The following SOX6 variants were observed in gnomAD, a reference collection of about 807,000 sequenced individuals.
SOX6 encodes transcription factor SOX-6.
Under a neutral mutation model 97.8 loss-of-function variants are expected in SOX6, and 11 were observed. The ratio of observed to expected loss-of-function variants is 0.11; its 90% CI spans 0.07 to 0.19. The LOEUF (loss-of-function observed/expected upper bound fraction) is 0.19. Among genes scored for constraint, SOX6 ranks in the 10% least tolerant of loss-of-function variants. The pLI, the probability that SOX6 is intolerant of heterozygous loss-of-function variation, is 1.00. For synonymous variants in SOX6, 360 were observed against 371.4 expected (o/e 0.97, Z 0.35); for missense variants, 810 against 1,039.5 (o/e 0.78, Z 3.04).
At chr11:15,984,490 G>A (rs551520487) in intron 15 of SOX6, among the ~76,000 whole-genome samples, 2 of 152,242 alleles carry the variant, frequency 1.3e-5, no homozygotes, top group East Asian at 1.9e-4. Context: ...CAATCTTAGA[G>A]GTGTACTAAC....
chr11:16,510,117 G>A (rs142394760), intron 4 of SOX6, among the ~76,000 whole-genome samples: 2 of 152,100 alleles, frequency 1.3e-5, no homozygotes, highest in African/African-American at 2.4e-5. Context: ...AATGAATGAC[G>A]TCTGAGGAAG....
intron 4 of SOX6, among the ~76,000 whole-genome samples, chr11:16,524,799 C>T (rs1197796209): frequency 6.6e-6 from 1 of 152,200 alleles, no homozygotes; most frequent in African/African-American, 2.4e-5. Flanking sequence ...GATACAAAAT[C>T]AATGTGCAAA....
chr11:16,589,946 T>C (rs1025787390), intron 4 of SOX6, among the ~76,000 whole-genome samples: 2 of 152,194 alleles, frequency 1.3e-5, no homozygotes, highest in African/African-American at 4.8e-5. Flanking sequence ...ATAAAAAAGC[T>C]ACATGCTATC....
At chr11:15,989,297 C>T (rs1026388632) in intron 13 of SOX6, 67 bp from the exon 14 acceptor site, 1 of 1,363,534 alleles carries the variant, frequency 7.3e-7, no homozygotes, top group Non-Finnish European at 1.0e-6. Context: ...TGTCACACAG[C>T]TTGCCGCCTG....
At chr11:16,604,797 A>G (rs1848314299) in intron 4 of SOX6, among the ~76,000 whole-genome samples, 1 of 152,182 alleles carries the variant, frequency 6.6e-6, no homozygotes, top group African/African-American at 2.4e-5. Flanking sequence ...ACAAAACAAC[A>G]TTTTCAAACT....
At chr11:16,375,393 G>C (rs956192706) in intron 1 of SOX6, among the ~76,000 whole-genome samples, 1 of 151,798 alleles carries the variant, frequency 6.6e-6, no homozygotes, top group Non-Finnish European at 1.5e-5. Context: ...TCAAGTTCAA[G>C]TAATTAGTTA....
At position 16,234,725 on chromosome 11, in the gene SOX6, AAGTC is replaced by A. The variant is rs1207361971; in HGVS notation, c.446-58_446-55del. On this transcript the variant is annotated intron_variant, in intron 3 of 15. Transcript: ENST00000683767. ...AATATATATTTATTACAAATTTAGA[AAGTC>A]AGTTTATGGGGAAATTCTCATTTAA... 11 of 1,085,958 alleles carry A rather than the reference AAGTC, an allele frequency of 1.0e-5. No individual in the cohort carries two copies. In the South Asian group the frequency reaches 1.5e-4, roughly 14 times the overall value. 67.3% of individuals were successfully genotyped at this position (1,085,958 alleles called of 1,614,324 possible).
At chr11:16,386,231 T>G (rs1857980466) in intron 1 of SOX6, among the ~76,000 whole-genome samples, 1 of 151,986 alleles carries the variant, frequency 6.6e-6, no homozygotes, top group Non-Finnish European at 1.5e-5. Flanking sequence ...AGGAGAAATC[T>G]ATTCAACTTC....
intron 3 of SOX6, among the ~76,000 whole-genome samples, chr11:16,273,904 T>A (rs879914664): frequency 5.9e-5 from 9 of 152,028 alleles, no homozygotes; most frequent in African/African-American, 1.4e-4. Flanking sequence ...ACTAAATTCA[T>A]ATACATATAG....
intron 3 of SOX6, 65 bp from the exon 4 acceptor site, chr11:16,234,736 T>C: frequency 3.1e-6 from 3 of 977,312 alleles, no homozygotes; most frequent in Non-Finnish European, 4.5e-6. Flanking sequence ...AGTCAGTTTA[T>C]GGGGAAATTC....
chr11:16,013,807 G>A (rs980732344), intron 13 of SOX6, among the ~76,000 whole-genome samples: 9 of 152,008 alleles, frequency 5.9e-5, no homozygotes, highest in African/African-American at 1.7e-4. Context: ...ATTCATCTCT[G>A]AGTCCTCATT....
chr11:16,609,149 T>A (rs1005235955), intron 4 of SOX6, among the ~76,000 whole-genome samples: 28 of 152,096 alleles, frequency 1.8e-4, no homozygotes, highest in African/African-American at 5.8e-4. Context: ...TGGTCTCAGG[T>A]AGTAGAGATG....
intron 1 of SOX6, among the ~76,000 whole-genome samples, chr11:16,413,512 C>CTTTTT (rs752774148): frequency 2.6e-5 from 2 of 76,224 alleles, no homozygotes; most frequent in Non-Finnish European, 4.8e-5. Flanking sequence ...AAGACTTCTA[C>CTTTTT]TTTTTTTTTT....
chr11:16,432,160 GTTACC>G (rs777760040), intron 1 of SOX6, among the ~76,000 whole-genome samples: 4 of 151,926 alleles, frequency 2.6e-5, no homozygotes, highest in Non-Finnish European at 5.9e-5. Context: ...CAAAAATATA[GTTACC>G]TTCATTGATA....
chr11:16,024,160 T>C (rs943318970), intron 12 of SOX6, among the ~76,000 whole-genome samples: 6 of 152,086 alleles, frequency 3.9e-5, no homozygotes, highest in African/African-American at 1.4e-4. Context: ...GGAAAGAGCA[T>C]GTGAGGACAC....
At chr11:16,458,254 T>C (rs185132714) in intron 1 of SOX6, among the ~76,000 whole-genome samples, 2 of 152,150 alleles carry the variant, frequency 1.3e-5, no homozygotes, top group Admixed American at 1.3e-4. Flanking sequence ...ACTTACTATA[T>C]GTTGGAAACT....
intron 11 of SOX6, among the ~76,000 whole-genome samples, chr11:16,047,439 A>C (rs1274677701): frequency 6.6e-6 from 1 of 152,126 alleles, no homozygotes; most frequent in Non-Finnish European, 1.5e-5. Flanking sequence ...TGGTTTTCGC[A>C]TAACTACAAA....
chr11:16,625,415 CT>C (rs1848610604), intron 3 of SOX6, among the ~76,000 whole-genome samples: 1 of 152,168 alleles, frequency 6.6e-6, no homozygotes, highest in South Asian at 2.1e-4. Flanking sequence ...CTAAAGCCCT[CT>C]TGTAATTTCT....
At chr11:16,270,506 C>T (rs1450951835) in intron 3 of SOX6, among the ~76,000 whole-genome samples, 1 of 151,162 alleles carries the variant, frequency 6.6e-6, no homozygotes, top group Non-Finnish European at 1.5e-5. Context: ...TAGGTTTATA[C>T]TCAAAAGAAT....
Sources: gnomAD v4.1 joint callset for allele counts (sites outside exome capture counted in the v4.1 genomes callset) on GRCh38, gnomAD v4.1.1 for gene constraint, MANE v1.5 for transcripts, NCBI Gene and HGNC (gene_info 2026-07-23, HGNC 2026-07-21) for gene names.